The following OTUD4 variants were observed in gnomAD, a reference collection of about 807,000 sequenced individuals.
OTUD4 encodes OTU deubiquitinase 4, also known as OTU domain-containing protein 4.
Under a neutral mutation model 130.4 loss-of-function variants are expected in OTUD4, and 24 were observed. The ratio of observed to expected loss-of-function variants is 0.18; its 90% confidence interval spans 0.13 to 0.26. OTUD4 has a LOEUF of 0.26. Ranked by LOEUF, OTUD4 falls within the 10% of genes least tolerant of loss-of-function variation. OTUD4 has a pLI of 1.00. For synonymous variants in OTUD4, 420 were observed against 472.5 expected (o/e 0.89, Z 1.44); for missense variants, 1,031 against 1,329.4 (o/e 0.78, Z 3.49).
intron 2 of OTUD4, among the ~76,000 whole-genome samples, chr4:145,173,097 T>G (rs1031606686): frequency 1.7e-4 from 26 of 152,136 alleles, no homozygotes; most frequent in Non-Finnish European, 4.4e-5. Context: ...CCTCATAAAA[T>G]TATATGGACT....
chr4:145,160,839 A>G (rs148822259), intron 6 of OTUD4, among the ~76,000 whole-genome samples: 1 of 151,996 alleles, frequency 6.6e-6, no homozygotes, highest in African/African-American at 2.4e-5. Context: ...CGGACAGGAT[A>G]GCGCTCATGC....
intron 13 of OTUD4, among the ~76,000 whole-genome samples, chr4:145,147,302 C>A (rs1750871665): frequency 6.6e-6 from 1 of 151,882 alleles, no homozygotes; most frequent in African/African-American, 2.4e-5. Context: ...TTACACAGTC[C>A]CATTTATAAT....
rs1461397014 is a variant in OTUD4 at position 145,138,577 on chromosome 4, C to T, written c.2198G>A (p.Arg733Lys). Residue 733 changes from arginine to lysine, a missense_variant, in exon 21 of 21, where the codon AGG becomes AAG. Arg to Lys is a conservative substitution (Grantham distance 26, BLOSUM62 2). Around this residue, in one of 3 missense-constraint regions of OTUD4, gnomAD observed 900 missense variants for 1,095.9 expected, o/e 0.82. Coordinates refer to ENST00000447906, the MANE Select transcript of OTUD4 (RefSeq NM_001366057.1). ...AGGGACAGGGACCTTTGGGTACATC[C>T]TGCAGGCTGCCAGGTAGGCCTGGTG... The part of the protein sequence containing the change: ...PLHQAYLAAC[R>K]MYPKVPVPVY... The T allele has an allele frequency of 4.3e-6, 7 of 1,613,896 alleles. No individual in the cohort carries two copies. The highest frequency in any genetic ancestry group is 5.9e-6 in the Non-Finnish European group (7 of 1,179,962).
At chr4:145,173,796 T>C (rs1453825247) in intron 2 of OTUD4, among the ~76,000 whole-genome samples, 2 of 152,210 alleles carry the variant, frequency 1.3e-5, no homozygotes, top group South Asian at 4.1e-4. Flanking sequence ...CAGGTCACTG[T>C]GGCATCTTAT....
chr4:145,166,630 G>C (rs564891370), intron 3 of OTUD4, among the ~76,000 whole-genome samples: 21 of 152,052 alleles, frequency 1.4e-4, no homozygotes, highest in Non-Finnish European at 2.8e-4. Context: ...TCACGAGGTT[G>C]GGAGTTCAAG....
intron 14 of OTUD4, among the ~76,000 whole-genome samples, chr4:145,145,211 A>C (rs901645976): frequency 6.6e-6 from 1 of 152,254 alleles, no homozygotes; most frequent in African/African-American, 2.4e-5. Flanking sequence ...AATGGTATGA[A>C]TACAAGCTTA....
chr4:145,161,672 C>G (rs1041535673), intron 6 of OTUD4, among the ~76,000 whole-genome samples: 1 of 152,094 alleles, frequency 6.6e-6, no homozygotes, highest in Non-Finnish European at 1.5e-5. Flanking sequence ...TGTGTTACTG[C>G]CATCCACTAG....
chr4:145,164,009 T>C (rs905693301), intron 5 of OTUD4, 145 bp downstream of exon 5: 4 of 519,028 alleles, frequency 7.7e-6, no homozygotes, highest in African/African-American at 6.0e-5. Context: ...CACCCGGCTA[T>C]AGGAACTTTT....
chr4:145,171,749 C>A, intron 2 of OTUD4, 29 bp from the exon 3 acceptor site: 2 of 976,984 alleles, frequency 2.0e-6, no homozygotes, highest in South Asian at 1.3e-5. Flanking sequence ...TTAGAAATGT[C>A]ATCTAACATA....
chr4:145,155,624 G>C lies in OTUD4; in HGVS notation c.753C>G (p.Leu251=), dbSNP rs1751248054. The part of the protein sequence containing the change: ...LPLSRKVLKS[L]NPAVYRNVEY... ...CCACATTTCTATAGACTGCAGGATT[G>C]AGTGACTTAAGAACCTTTCTAGACA... Residue 251 remains leucine (L), a synonymous_variant, in exon 9 of 21, where the codon CTC becomes CTG. Coordinates refer to ENST00000447906, the MANE Select transcript of OTUD4 (RefSeq NM_001366057.1). 1 of 1,613,140 alleles carries C rather than the reference G, an allele frequency of 6.2e-7. No individual in the cohort carries two copies. The highest frequency in any genetic ancestry group is 8.5e-7 in the Non-Finnish European group (1 of 1,179,582).
intron 10 of OTUD4, among the ~76,000 whole-genome samples, chr4:145,153,278 T>C (rs181817956): frequency 6.6e-6 from 1 of 152,378 alleles, no homozygotes; most frequent in East Asian, 1.9e-4. Context: ...CAGCAGGTCC[T>C]GGTTCTGAAG....
rs923189031 is a variant in OTUD4 at position 145,179,792 on chromosome 4, C to T, written c.159+23G>A. The T allele has an allele frequency of 2.6e-5, 32 of 1,251,256 alleles. No homozygotes were observed. The African/African-American group carries it at 4.5e-4, about 18-fold the overall frequency. 77.5% of individuals were successfully genotyped at this position (1,251,256 alleles called of 1,614,324 possible). On this transcript the variant is annotated intron_variant, in intron 1 of 20. Transcript: ENST00000447906. ...GGCCGTCCCCGCCTCCCCTCGAAGCCCTCCCCGCCCCCCCGCAATTACCTG... is the reference window on the plus strand; with the variant it reads ...GGCCGTCCCCGCCTCCCCTCGAAGCTCTCCCCGCCCCCCCGCAATTACCTG...
intron 1 of OTUD4, among the ~76,000 whole-genome samples, chr4:145,175,580 T>A (rs1752379422): frequency 6.6e-6 from 1 of 152,040 alleles, no homozygotes; most frequent in Non-Finnish European, 1.5e-5. Context: ...AGTCCTGCTC[T>A]GTCACCCAGG....
At chr4:145,154,865 G>A (rs996623029) in intron 10 of OTUD4, among the ~76,000 whole-genome samples, 6 of 152,072 alleles carry the variant, frequency 3.9e-5, no homozygotes, top group Non-Finnish European at 5.9e-5. Flanking sequence ...GGCAGAGTGA[G>A]GGTTAACCAC....
chr4:145,152,881 C>T (rs1026353034), intron 10 of OTUD4, among the ~76,000 whole-genome samples: 4 of 141,106 alleles, frequency 2.8e-5, no homozygotes, highest in Admixed American at 7.1e-5. Context: ...ACACCACACT[C>T]GGCTTTTTTT....
At chr4:145,146,501 C>CA (rs369472707) in intron 13 of OTUD4, 72 bp from the exon 14 acceptor site, 46,060 of 561,478 alleles carry the variant, frequency 0.082, 5 homozygotes, top group Middle Eastern at 0.13. Context: ...ACATTCTTGT[C>CA]AAAAAAAAAA....
chr4:145,154,204 T>C (rs1751181679), intron 10 of OTUD4, among the ~76,000 whole-genome samples: 1 of 152,232 alleles, frequency 6.6e-6, no homozygotes, highest in Non-Finnish European at 1.5e-5. Flanking sequence ...ATTTGTTCTC[T>C]TTCAAGTTTT....
intron 3 of OTUD4, among the ~76,000 whole-genome samples, chr4:145,169,965 C>A (rs1752072479): frequency 6.6e-6 from 1 of 152,148 alleles, no homozygotes; most frequent in South Asian, 2.1e-4. Flanking sequence ...ACAAAGTACA[C>A]AGTACATTAA....
intron 6 of OTUD4, among the ~76,000 whole-genome samples, chr4:145,161,260 C>T (rs1751549439): frequency 6.6e-6 from 1 of 152,190 alleles, no homozygotes; most frequent in African/African-American, 2.4e-5. Flanking sequence ...ACCACAGGCA[C>T]TTAGAATCAC....
Sources: gnomAD v4.1 joint callset for allele counts (sites outside exome capture counted in the v4.1 genomes callset) on GRCh38, gnomAD v4.1.1 for gene constraint, gnomAD v4.1.1 regional missense constraint, MANE v1.5 for transcripts, NCBI Gene and HGNC (gene_info 2026-07-23, HGNC 2026-07-21) for gene names.